Variants in PTPRK observed in about 807,000 individuals in gnomAD.
PTPRK encodes protein tyrosine phosphatase receptor type K, also known as receptor-type tyrosine-protein phosphatase kappa.
In PTPRK, 75 loss-of-function variants were observed where a neutral mutation model predicts 178.0. The observed-to-expected ratio is 0.42, with a 90% CI of 0.35 to 0.51. The LOEUF is 0.51. Ranked by LOEUF, PTPRK falls within the 20% of genes least tolerant of loss-of-function variation. The pLI is 0.02. For synonymous variants in PTPRK, 637 were observed against 620.6 expected, an observed-to-expected ratio of 1.03 and a Z score of -0.39; for missense variants, 1,441 against 1,797.8, an observed-to-expected ratio of 0.80 and a Z score of 3.59.
chr6:128,017,674 T>A (rs1295322602), intron 13 of PTPRK, among the ~76,000 whole-genome samples: 4 of 149,424 alleles, frequency 2.7e-5, no homozygotes, highest in Admixed American at 6.8e-5. Context: ...TGCCTGTTGC[T>A]CACTGTTTTC....
intron 3 of PTPRK, among the ~76,000 whole-genome samples, chr6:128,287,172 C>T (rs1822639428): frequency 6.6e-6 from 1 of 152,128 alleles, no homozygotes. Context: ...AGTGAAAGTG[C>T]TAGATCCTAT....
At chr6:128,050,850 A>G (rs1013659910) in intron 13 of PTPRK, among the ~76,000 whole-genome samples, 7 of 152,206 alleles carry the variant, frequency 4.6e-5, no homozygotes, top group Non-Finnish European at 1.0e-4. Context: ...CGATACTAGG[A>G]ATTTTTTAGA....
chr6:128,052,149 A>T (rs1243790287), intron 13 of PTPRK, among the ~76,000 whole-genome samples: 1 of 152,168 alleles, frequency 6.6e-6, no homozygotes, highest in African/African-American at 2.4e-5. Context: ...AAAACACACA[A>T]AGTTACAGAA....
intron 8 of PTPRK, among the ~76,000 whole-genome samples, chr6:128,087,400 G>A (rs1014199077): frequency 3.9e-5 from 6 of 152,082 alleles, no homozygotes. Flanking sequence ...AGTGCCTAGT[G>A]TGACACAGAC....
chr6:128,459,536 T>G (rs929477402), intron 1 of PTPRK, among the ~76,000 whole-genome samples: 2 of 152,160 alleles, frequency 1.3e-5, no homozygotes, highest in African/African-American at 4.8e-5. Flanking sequence ...ATGGAGTCAT[T>G]TGAACCAGTG....
rs886391391 is a variant in PTPRK at position 128,341,440 on chromosome 6, T to C, written c.224-19130A>G. Among the ~76,000 whole-genome samples, 6 of 152,162 alleles carry C rather than the reference T, an allele frequency of 3.9e-5. No individual in the cohort carries two copies. In the East Asian group the frequency reaches 1.2e-3, roughly 29 times the overall value. On this transcript the variant is annotated intron_variant, in intron 2 of 29. Coordinates refer to ENST00000368226, the MANE Select transcript of PTPRK (RefSeq NM_002844.4). The stretch of plus-strand genomic sequence containing the variant: ...TTGTCACACACAATACCAATAACTG[T>C]AGATTAAGAAAAGACTAAGTCCAAA...
intron 7 of PTPRK, among the ~76,000 whole-genome samples, chr6:128,106,926 A>T (rs1298809032): frequency 6.6e-6 from 1 of 152,124 alleles, no homozygotes; most frequent in East Asian, 1.9e-4. Context: ...AGGTAAATAA[A>T]AAAGAATTTG....
chr6:128,093,510 A>T (rs1247523134), intron 7 of PTPRK, among the ~76,000 whole-genome samples: 1 of 143,056 alleles, frequency 7.0e-6, no homozygotes, highest in Non-Finnish European at 1.5e-5. Flanking sequence ...CAGAAGAATC[A>T]CTTGAACCCT....
At chr6:128,203,709 G>T (rs1028065321) in intron 6 of PTPRK, among the ~76,000 whole-genome samples, 2 of 151,988 alleles carry the variant, frequency 1.3e-5, no homozygotes, top group African/African-American at 4.8e-5. Context: ...TAGAAATACA[G>T]CTAACAAGGG....
Position 128,349,772 on chromosome 6 carries a change from A to G in PTPRK, c.224-27462T>C, listed in dbSNP as rs535705457. On this transcript the variant is annotated intron_variant, in intron 2 of 29. Transcript: ENST00000368226. Reference sequence around the variant, plus strand: ...ATTTGTTCTGTTTTACTTGGGTAATAAGGAAATTTTAAGCATTTAAAATCT... The same window carrying G: ...ATTTGTTCTGTTTTACTTGGGTAATGAGGAAATTTTAAGCATTTAAAATCT... 2.1e-4 allele frequency among the ~76,000 whole-genome samples: 32 copies of G among 152,288 alleles called. No individual in the cohort carries two copies. In the South Asian group the frequency reaches 6.2e-3, roughly 30 times the overall value.
intron 14 of PTPRK, 64 bp from the exon 15 acceptor site, chr6:128,005,308 C>T (rs557475665): frequency 2.6e-6 from 4 of 1,525,584 alleles, no homozygotes; most frequent in South Asian, 2.3e-5. Context: ...TTAACACCAG[C>T]AATAAATAGT....
intron 1 of PTPRK, among the ~76,000 whole-genome samples, chr6:128,437,966 T>G (rs1845811184): frequency 1.3e-5 from 2 of 152,222 alleles, no homozygotes. Context: ...CCGTGCATAC[T>G]AAAGTCCCAC....
intron 1 of PTPRK, among the ~76,000 whole-genome samples, chr6:128,494,971 T>G (rs1232835051): frequency 6.6e-6 from 1 of 152,154 alleles, no homozygotes; most frequent in Non-Finnish European, 1.5e-5. Context: ...TAAACAAAAA[T>G]CTCAGTTCTC....
chr6:128,279,071 G>C (rs1484830016), intron 3 of PTPRK, among the ~76,000 whole-genome samples: 1 of 152,064 alleles, frequency 6.6e-6, no homozygotes, highest in Non-Finnish European at 1.5e-5. Flanking sequence ...TTCCTACTCA[G>C]TCATTAATCA....
At chr6:127,981,583 G>A (rs550949106) in intron 24 of PTPRK, among the ~76,000 whole-genome samples, 5 of 152,220 alleles carry the variant, frequency 3.3e-5, no homozygotes, top group Admixed American at 6.5e-5. Context: ...ATGCAATCGG[G>A]CAGTCCATTA....
chr6:128,003,051 C>T (rs1778017702), intron 15 of PTPRK: 2 of 685,776 alleles, frequency 2.9e-6, no homozygotes. Flanking sequence ...TTGGGTTGAA[C>T]ACAGTTGCTC....
At chr6:127,973,891 G>T in intron 27 of PTPRK, 64 bp from the exon 28 acceptor site, 2 of 1,476,378 alleles carry the variant, frequency 1.4e-6, no homozygotes, top group South Asian at 1.3e-5. Context: ...AAAGTAAAAG[G>T]TGCATATAAT....
At chr6:128,323,561 A>C (rs1829132241) in intron 2 of PTPRK, among the ~76,000 whole-genome samples, 1 of 152,126 alleles carries the variant, frequency 6.6e-6, no homozygotes, top group Non-Finnish European at 1.5e-5. Context: ...TTAACCACTC[A>C]ATAACTACTA....
chr6:128,083,058 AAC>A (rs1246139825), intron 9 of PTPRK, among the ~76,000 whole-genome samples: 1 of 152,160 alleles, frequency 6.6e-6, no homozygotes, highest in Admixed American at 6.6e-5. Context: ...CAAATATGTG[AAC>A]ACAGTTTCAA....
Sources: gnomAD v4.1 joint callset for allele counts (sites outside exome capture counted in the v4.1 genomes callset) on GRCh38, gnomAD v4.1.1 for gene constraint, MANE v1.5 for transcripts, NCBI Gene and HGNC (gene_info 2026-07-23, HGNC 2026-07-21) for gene names.